The following ANKRD52 variants were observed in gnomAD, a reference collection of about 807,000 sequenced individuals.
The protein encoded by ANKRD52 is serine/threonine-protein phosphatase 6 regulatory ankyrin repeat subunit C.
A neutral mutation model predicts 116.0 loss-of-function variants in ANKRD52; 7 were observed. That is an observed-to-expected ratio of 0.06 (90% confidence interval 0.03 to 0.11). The LOEUF (loss-of-function observed/expected upper bound fraction) is 0.11, where lower values mean the gene tolerates loss of function less well. ANKRD52 is among the 10% of genes least tolerant of loss of function. The pLI, the probability that ANKRD52 is intolerant of heterozygous loss-of-function variation, is 1.00. For synonymous variants in ANKRD52, 528 were observed against 578.1 expected, an observed-to-expected ratio of 0.91 and a Z score of 1.24; for missense variants, 839 against 1,408.6, an observed-to-expected ratio of 0.60 and a Z score of 6.47.
Position 56,255,145 on chromosome 12 carries a change from T to A in ANKRD52, c.463-193A>T, listed in dbSNP as rs1871886489. On this transcript the variant is annotated intron_variant, in intron 5 of 27. Coordinates refer to ENST00000267116, the MANE Select transcript of ANKRD52 (RefSeq NM_173595.4). This position sits in a 1 kb window ranked among gnomAD's most constrained non-coding sequence, Gnocchi z 4.3. Reference sequence around the variant, plus strand: ...GAGATACTGGAGAGATTTGGAACTTTAAGGGAAACAAGAGAGTCTCTTCAG... The same window carrying A: ...GAGATACTGGAGAGATTTGGAACTTAAAGGGAAACAAGAGAGTCTCTTCAG... 4 of 534,694 alleles carry A rather than the reference T, an allele frequency of 7.5e-6. No homozygotes were observed. The highest frequency in any genetic ancestry group is 3.1e-5 in the Admixed American group (1 of 32,508). 33.1% of individuals were successfully genotyped at this position (534,694 alleles called of 1,614,324 possible). A position where few individuals can be genotyped will look rare whatever the true frequency, so the allele number is the denominator to read the frequency against.
Position 56,242,758 on chromosome 12 carries a change from G to C in ANKRD52, c.*384C>G. The C allele has an allele frequency of 4.3e-6, 1 of 230,796 alleles. No individual in the cohort carries two copies. Among genetic ancestry groups the C allele is most frequent in the Non-Finnish European group, 8.6e-6 (1 of 116,668 alleles). The allele number at this position is 230,796 out of a possible 1,614,324, so 14.3% of individuals were successfully genotyped here. On this transcript the variant is annotated 3_prime_UTR_variant, in exon 28 of 28. Transcript: ENST00000267116. The surrounding 1 kb of genome is among the most constrained non-coding windows in gnomAD (Gnocchi z 4.3). ...ATGGGTATGGAAGAAGAGGGGATCT[G>C]CCTGGCAGTAGGGGCAGGGGAGAAG...
intron 18 of ANKRD52, 117 bp downstream of exon 18, chr12:56,247,906 T>A: frequency 7.4e-7 from 1 of 1,358,392 alleles, no homozygotes; most frequent in Non-Finnish European, 1.0e-6. Flanking sequence ...TAGGAAGCTA[T>A]GAATCAGGGC....
chr12:56,251,826 G>C (rs573134998), intron 15 of ANKRD52, among the ~76,000 whole-genome samples, 189 bp downstream of exon 15: 1 of 150,768 alleles, frequency 6.6e-6, no homozygotes, highest in Non-Finnish European at 1.5e-5. Context: ...TGAAGCTCCT[G>C]AGCTTCAATC....
chr12:56,243,029 C>T lies in ANKRD52; in HGVS notation c.*113G>A, dbSNP rs1199258786. 5 of 1,382,118 alleles carry T rather than the reference C, an allele frequency of 3.6e-6. No individual in the cohort carries two copies. Among genetic ancestry groups the T allele is most frequent in the East Asian group, 2.5e-5 (1 of 39,788 alleles). The allele number at this position is 1,382,118 out of a possible 1,614,324, so 85.6% of individuals were successfully genotyped here. Reference sequence around the variant, plus strand: ...TGCTCCCCAGGGCTTCCTTCCCCTCCGCCCCCTCCACCCAGTCGTGTTCTC... The same window carrying T: ...TGCTCCCCAGGGCTTCCTTCCCCTCTGCCCCCTCCACCCAGTCGTGTTCTC... On this transcript the variant is annotated 3_prime_UTR_variant, in exon 28 of 28. Coordinates refer to ENST00000267116, the MANE Select transcript of ANKRD52 (RefSeq NM_173595.4). This position sits in a 1 kb window ranked among gnomAD's most constrained non-coding sequence, Gnocchi z 4.6.
In ANKRD52 at chr12:56,252,584, G is replaced by A. The variant is rs1317828155; in HGVS notation, c.1302-14C>T. ...CATTCAACATTCCTAAAAGAAAGAT[G>A]TGTTAAGAGAGTTACAGCCTCAAAG... is the stretch of plus-strand genomic sequence containing the variant. On this transcript the variant is annotated splice_polypyrimidine_tract_variant and intron_variant, in intron 12 of 27. Transcript: ENST00000267116. The surrounding 1 kb of genome is among the most constrained non-coding windows in gnomAD (Gnocchi z 4.7). 1.9e-6 allele frequency: 3 copies of A among 1,613,228 alleles called. No homozygotes were observed. Among genetic ancestry groups the A allele is most frequent in the South Asian group, 1.1e-5 (1 of 91,036 alleles).
At chr12:56,250,442 T>C (rs1476559626) in intron 15 of ANKRD52, among the ~76,000 whole-genome samples, 1 of 150,388 alleles carries the variant, frequency 6.6e-6, no homozygotes, top group Non-Finnish European at 1.5e-5. Flanking sequence ...ATAGGCATGA[T>C]CATAGTGCAC....
Position 56,255,057 on chromosome 12 carries a change from C to CT in ANKRD52, c.463-106dup. The CT allele has an allele frequency of 8.3e-7, 1 of 1,205,944 alleles. No individual in the cohort carries two copies. The highest frequency in any genetic ancestry group is 1.2e-6 in the Non-Finnish European group (1 of 838,756). The allele number at this position is 1,205,944 out of a possible 1,614,324, so 74.7% of individuals were successfully genotyped here. A position where few individuals can be genotyped will look rare whatever the true frequency, so the allele number is the denominator to read the frequency against. ...TGAAAAGGCTGAGGCAGCCTAATGC[C>CT]TTTTTCCATGAGCAAAACAACCTGG... On this transcript the variant is annotated intron_variant, in intron 5 of 27. Coordinates refer to ENST00000267116, the MANE Select transcript of ANKRD52 (RefSeq NM_173595.4). The surrounding 1 kb of genome is among the most constrained non-coding windows in gnomAD (Gnocchi z 4.3).
rs1871733559 is a variant in ANKRD52 at position 56,252,186 on chromosome 12, G to A, written c.1500C>T (p.Asp500=). ...ACTGGTAGCCTCACCTCCTGTAAGT[G>A]TCAGAAGCGGCAGCGTAGTGGAGGG... ...CSPLHYAAAS[D]TYRRAEPHTP... Residue 500 remains aspartate, a synonymous_variant, in exon 14 of 28, where the codon GAC becomes GAT. Transcript: ENST00000267116. The surrounding 1 kb of genome is among the most constrained non-coding windows in gnomAD (Gnocchi z 4.7). 1 of 1,614,012 alleles carries A rather than the reference G, an allele frequency of 6.2e-7. No homozygotes were observed. The highest frequency in any genetic ancestry group is 2.2e-5 in the East Asian group (1 of 44,894).
rs1871753746 is a variant in ANKRD52 at position 56,252,519 on chromosome 12, C to T, written c.1353G>A (p.Arg451=). ...TAGCATACCTGCCAAATTTGTCCCT[C>T]CTCCTCAAGTCAGCTCCACTGCTCA... ...LLLSSGADLR[R]RDKFGRTPLH... is the part of the protein sequence containing the mutation. The change falls in exon 13 of 28, where the codon AGG becomes AGA. Residue 451 remains arginine (R), a synonymous_variant. Coordinates refer to ENST00000267116, the MANE Select transcript of ANKRD52 (RefSeq NM_173595.4). This position sits in a 1 kb window ranked among gnomAD's most constrained non-coding sequence, Gnocchi z 4.7. The T allele has an allele frequency of 6.2e-7, 1 of 1,613,968 alleles. No individual in the cohort carries two copies.
chr12:56,255,221 C>G lies in ANKRD52; in HGVS notation c.463-269G>C. 1 of 344,466 alleles carries G rather than the reference C, an allele frequency of 2.9e-6. No homozygotes were observed. Among genetic ancestry groups the G allele is most frequent in the Middle Eastern group, 8.3e-4 (1 of 1,208 alleles). The allele number at this position is 344,466 out of a possible 1,614,324, so 21.3% of individuals were successfully genotyped here. On this transcript the variant is annotated intron_variant, in intron 5 of 27. Coordinates refer to ENST00000267116, the MANE Select transcript of ANKRD52 (RefSeq NM_173595.4). This position sits in a 1 kb window ranked among gnomAD's most constrained non-coding sequence, Gnocchi z 4.3. ...TTTTTTTTTTTTTTTGAGACAGTCT[C>G]GCTCTGTTACCCAGGCTGGAGTTCA...
rs1322039913 is a variant in ANKRD52, at chr12:56,255,191, CTCTT to C, written c.463-243_463-240del. On this transcript the variant is annotated intron_variant, in intron 5 of 27. Coordinates refer to ENST00000267116, the MANE Select transcript of ANKRD52 (RefSeq NM_173595.4). The surrounding 1 kb of genome is among the most constrained non-coding windows in gnomAD (Gnocchi z 4.3). Reference sequence around the variant, plus strand: ...TTCAGGTGATCTGGTGGTTCTTAAACTCTTTTTTTTTTTTTTTTTGAGACAGTCT... The same window carrying C: ...TTCAGGTGATCTGGTGGTTCTTAAACTTTTTTTTTTTTTTTGAGACAGTCT... The C allele has an allele frequency of 8.5e-5, 33 of 388,994 alleles. No homozygotes were observed. The highest frequency in any genetic ancestry group is 7.0e-4 in the African/African-American group (32 of 45,946). The allele number at this position is 388,994 out of a possible 1,614,324, so 24.1% of individuals were successfully genotyped here.
rs1871786979 is a variant in ANKRD52 at position 56,253,238 on chromosome 12, G to A, written c.1100+50C>T. 2 of 1,545,990 alleles carry A rather than the reference G, an allele frequency of 1.3e-6. No individual in the cohort carries two copies. The highest frequency in any genetic ancestry group is 2.3e-5 in the South Asian group (2 of 87,878). ...TGTGCCTCCATGGTTGATGTGAGCA[G>A]TCTGTGCAGATCTGGGCAGCCCAGA... On this transcript the variant is annotated intron_variant, in intron 10 of 27. Transcript: ENST00000267116. The surrounding 1 kb of genome is among the most constrained non-coding windows in gnomAD (Gnocchi z 5.5).
chr12:56,248,761 G>A lies in ANKRD52; in HGVS notation c.1702C>T (p.Leu568=), dbSNP rs754369529. Reference sequence around the variant, plus strand: ...GCAGGCCGGGCCCCAACACATACCAGTTCGAGGTTCTGTCTGTTGCCATAG... The same window carrying A: ...GCAGGCCGGGCCCCAACACATACCAATTCGAGGTTCTGTCTGTTGCCATAG... ...AAYGNRQNLE[L]LLEMSFNCLE... is the part of the protein sequence containing the mutation. Residue 568 remains leucine, a splice_region_variant and synonymous_variant, in exon 16 of 28, where the codon CTG becomes TTG. Transcript: ENST00000267116. This position sits in a 1 kb window ranked among gnomAD's most constrained non-coding sequence, Gnocchi z 5.1. 21 of 1,608,170 alleles carry A rather than the reference G, an allele frequency of 1.3e-5. No homozygotes were observed. In the Admixed American group the frequency reaches 3.0e-4, roughly 23 times the overall value.
At position 56,253,889 on chromosome 12, in the gene ANKRD52, C is replaced by G; in HGVS notation, c.907-89G>C. 6.8e-7 allele frequency: 1 copy of G among 1,470,322 alleles called. No homozygotes were observed. Among genetic ancestry groups the G allele is most frequent in the South Asian group, 1.2e-5 (1 of 86,092 alleles). The allele number at this position is 1,470,322 out of a possible 1,614,324, so 91.1% of individuals were successfully genotyped here. On this transcript the variant is annotated intron_variant, in intron 8 of 27. Transcript: ENST00000267116. This position sits in a 1 kb window ranked among gnomAD's most constrained non-coding sequence, Gnocchi z 5.5. ...CTACCTCCCTTCCAAGGACATATCTCTAAGGACAAAAGGGTCATATGGCAC... is the reference window on the plus strand; with the variant it reads ...CTACCTCCCTTCCAAGGACATATCTGTAAGGACAAAAGGGTCATATGGCAC...
At position 56,254,918 on chromosome 12, in the gene ANKRD52, A is replaced by G; in HGVS notation, c.497T>C (p.Leu166Pro). ...CCGCTCCTTTTTGTCACAGACATTC[A>G]GGCTGGCTCCCTTGTTGAGGAGCAG... ...VNLLLNKGAS[L>P]NVCDKKERQP... Residue 166 changes from leucine to proline, a missense_variant, in exon 6 of 28, where the codon CTG (leucine) becomes CCG (proline). Leu to Pro is a moderately conservative substitution (Grantham distance 98). Around this residue, in one of 2 missense-constraint regions of ANKRD52, gnomAD observed 287 missense variants for 598.1 expected, o/e 0.48. Transcript: ENST00000267116. This position sits in a 1 kb window ranked among gnomAD's most constrained non-coding sequence, Gnocchi z 4.6. 1 of 1,613,466 alleles carries G rather than the reference A, an allele frequency of 6.2e-7. No homozygotes were observed. Among genetic ancestry groups the G allele is most frequent in the South Asian group, 1.1e-5 (1 of 91,078 alleles).
In ANKRD52 at chr12:56,243,251, G is replaced by A. The variant is rs372191802; in HGVS notation, c.3122C>T (p.Ala1041Val). The change falls in exon 28 of 28, where the codon GCA becomes GTA. Residue 1041 changes from alanine to valine, a missense_variant. Ala to Val is a moderately conservative substitution (Grantham distance 64). Transcript: ENST00000267116. The surrounding 1 kb of genome is among the most constrained non-coding windows in gnomAD (Gnocchi z 4.6). ...GCAGCCACCCACCGTCTTGGCGGCT[G>A]CAATGCTGCAGTTCTTGAGCAGGCT... ...SFSLLKNCSI[A>V]AAKTVGGCGA... 27 of 1,613,794 alleles carry A rather than the reference G, an allele frequency of 1.7e-5. No individual in the cohort carries two copies. In the African/African-American group the frequency reaches 2.8e-4, roughly 17 times the overall value.
rs747429659 is a variant in ANKRD52, at chr12:56,254,975, C to T, written c.463-23G>A. 2 of 1,603,552 alleles carry T rather than the reference C, an allele frequency of 1.2e-6. No homozygotes were observed. Among genetic ancestry groups the T allele is most frequent in the Non-Finnish European group, 1.7e-6 (2 of 1,170,994 alleles). ...CGTCTGCATCAGGATATGAAAGACA[C>T]CTGTTCAGAGCTAGATTCGTGCCCT... On this transcript the variant is annotated intron_variant, in intron 5 of 27. Coordinates refer to ENST00000267116, the MANE Select transcript of ANKRD52 (RefSeq NM_173595.4). This position sits in a 1 kb window ranked among gnomAD's most constrained non-coding sequence, Gnocchi z 4.6.
chr12:56,245,256 T>C, intron 21 of ANKRD52, 66 bp from the exon 22 acceptor site: 1 of 1,603,258 alleles, frequency 6.2e-7, no homozygotes, highest in Non-Finnish European at 8.5e-7. Context: ...GTCCTGTGTC[T>C]TGACACTCCA....
intron 15 of ANKRD52, among the ~76,000 whole-genome samples, chr12:56,249,938 G>T (rs1211442388): frequency 6.6e-6 from 1 of 152,208 alleles, no homozygotes; most frequent in East Asian, 1.9e-4. Context: ...TACTCAGGAG[G>T]CTGAGGCAGA....
Sources: allele counts gnomAD v4.1 joint callset (sites outside exome capture counted in the v4.1 genomes callset), GRCh38; gene constraint gnomAD v4.1.1; regional missense constraint gnomAD v4.1.1; non-coding constraint Gnocchi (gnomAD v3.1); transcripts MANE v1.5; gene names NCBI Gene and HGNC (gene_info 2026-07-23, HGNC 2026-07-21).